PRKG1: variants seen among roughly 807,000 people sequenced by gnomAD.
PRKG1 encodes cGMP-dependent protein kinase 1.
In PRKG1, 35 loss-of-function variants were observed where a neutral mutation model predicts 88.1. That is an observed-to-expected ratio of 0.40 (90% CI 0.30 to 0.53). The LOEUF is 0.53. Ranked by LOEUF, PRKG1 falls within the 20% of genes least tolerant of loss-of-function variation. The probability of loss-of-function intolerance (pLI) is 0.59; values close to 1 mark genes in which losing one functional copy is unlikely to be tolerated. For synonymous variants in PRKG1, 303 were observed against 292.5 expected, an observed-to-expected ratio of 1.04 and a Z score of -0.37; for missense variants, 540 against 839.8, an observed-to-expected ratio of 0.64 and a Z score of 4.41.
At chr10:51,452,983 T>C (rs1839479654) in intron 2 of PRKG1, among the ~76,000 whole-genome samples, 1 of 152,058 alleles carries the variant, frequency 6.6e-6, no homozygotes, top group East Asian at 1.9e-4. Flanking sequence ...GTTATTGGTC[T>C]GCTCAGAATT....
chr10:51,597,343 A>T (rs1169802980), intron 3 of PRKG1, among the ~76,000 whole-genome samples: 1 of 152,158 alleles, frequency 6.6e-6, no homozygotes, highest in East Asian at 1.9e-4. Flanking sequence ...CACACTTACC[A>T]ATCACATGAG....
chr10:51,286,727 A>G (rs1840450812), intron 2 of PRKG1, among the ~76,000 whole-genome samples: 2 of 152,198 alleles, frequency 1.3e-5, no homozygotes, highest in Non-Finnish European at 2.9e-5. Flanking sequence ...GCTATTTGAA[A>G]CTACATAATA....
At chr10:51,010,304 G>A (rs181501122) in intron 1 of PRKG1, among the ~76,000 whole-genome samples, 1 of 152,326 alleles carries the variant, frequency 6.6e-6, no homozygotes, top group African/African-American at 2.4e-5. Context: ...TTTGCACAGG[G>A]CAAGATGCTG....
chr10:52,293,748 C>A, intron 17 of PRKG1, 54 bp from the exon 18 acceptor site: 8 of 1,428,932 alleles, frequency 5.6e-6, no homozygotes, highest in Non-Finnish European at 6.9e-6. Context: ...AAAATTCCAG[C>A]TTGGAATTCC....
intron 1 of PRKG1, among the ~76,000 whole-genome samples, chr10:51,061,677 A>C (rs1382972948): frequency 6.6e-6 from 1 of 152,042 alleles, no homozygotes. Flanking sequence ...CCTTTTCTTT[A>C]TTTAATGTAG....
At chr10:51,943,240 T>A (rs1348018687) in intron 5 of PRKG1, among the ~76,000 whole-genome samples, 1 of 152,008 alleles carries the variant, frequency 6.6e-6, no homozygotes, top group East Asian at 1.9e-4. Context: ...TCACTCATGA[T>A]TTGGCTCTCT....
chr10:51,123,567 T>C lies in PRKG1; in HGVS notation c.312-29597T>C, dbSNP rs1046612104. ...CAGGCGTGATGGTGGGTTCCTGTAATCCCAGCTACTCGGGTGGCTGAGGCA... is the reference window on the plus strand; with the variant it reads ...CAGGCGTGATGGTGGGTTCCTGTAACCCCAGCTACTCGGGTGGCTGAGGCA... On this transcript the variant is annotated intron_variant, in intron 1 of 17. Coordinates refer to ENST00000373980, the MANE Select transcript of PRKG1 (RefSeq NM_006258.4). 2.9e-4 allele frequency among the ~76,000 whole-genome samples: 44 copies of C among 151,880 alleles called. 1 individual carries two copies. The highest frequency in any genetic ancestry group is 7.4e-5 in the Non-Finnish European group (5 of 67,978).
chr10:51,810,173 A>G (rs1839418491), intron 4 of PRKG1, among the ~76,000 whole-genome samples: 1 of 152,210 alleles, frequency 6.6e-6, no homozygotes, highest in Admixed American at 6.5e-5. Context: ...TGAGCTTTAC[A>G]TTATATTTTC....
intron 3 of PRKG1, among the ~76,000 whole-genome samples, chr10:51,718,614 A>G (rs1387016249): frequency 1.3e-5 from 2 of 152,180 alleles, no homozygotes; most frequent in Non-Finnish European, 2.9e-5. Flanking sequence ...ATATAAGTAA[A>G]ATGTTTGAAT....
chr10:52,002,974 T>C (rs1044658256), intron 5 of PRKG1, among the ~76,000 whole-genome samples: 17 of 152,198 alleles, frequency 1.1e-4, no homozygotes, highest in Non-Finnish European at 1.5e-4. Flanking sequence ...TTTTAGTGCA[T>C]AGTGGTTATT....
At chr10:51,315,120 A>G (rs571718560) in intron 2 of PRKG1, among the ~76,000 whole-genome samples, 1 of 152,312 alleles carries the variant, frequency 6.6e-6, no homozygotes, top group African/African-American at 2.4e-5. Flanking sequence ...CATTCTGACA[A>G]GTTATTTCAA....
At chr10:51,707,269 C>T (rs1841630105) in intron 3 of PRKG1, among the ~76,000 whole-genome samples, 1 of 152,144 alleles carries the variant, frequency 6.6e-6, no homozygotes, top group East Asian at 1.9e-4. Flanking sequence ...ATTAAAAGGG[C>T]CTGCCTGAAC....
At chr10:51,115,979 G>T (rs1398702525) in intron 1 of PRKG1, among the ~76,000 whole-genome samples, 1 of 152,174 alleles carries the variant, frequency 6.6e-6, no homozygotes, top group Non-Finnish European at 1.5e-5. Context: ...AGGAGACCGA[G>T]TACATGTATA....
At chr10:51,420,875 G>A (rs1314429000) in intron 2 of PRKG1, among the ~76,000 whole-genome samples, 3 of 152,206 alleles carry the variant, frequency 2.0e-5, no homozygotes, top group Middle Eastern at 3.4e-3. Context: ...CACTTCACAT[G>A]GTAAAAGTAG....
At position 51,108,019 on chromosome 10, in the gene PRKG1, A is replaced by G. The variant is rs558494125; in HGVS notation, c.311+33118A>G. Reference sequence around the variant, plus strand: ...TTTACTTACGTGAAATGGACAGATTATTTAAAAGGCACATACTACCAAAGC... The same window carrying G: ...TTTACTTACGTGAAATGGACAGATTGTTTAAAAGGCACATACTACCAAAGC... On this transcript the variant is annotated intron_variant, in intron 1 of 17. Transcript: ENST00000373980. Among the ~76,000 whole-genome samples, 218 of 152,238 alleles carry G rather than the reference A, an allele frequency of 1.4e-3. 1 individual carries two copies. The highest frequency in any genetic ancestry group is 5.1e-3 in the African/African-American group (214 of 41,566).
intron 2 of PRKG1, among the ~76,000 whole-genome samples, chr10:51,319,317 A>G (rs2132505251): frequency 6.6e-6 from 1 of 152,076 alleles, no homozygotes; most frequent in Non-Finnish European, 1.5e-5. Context: ...TGTACAGATA[A>G]GTGAAACAAC....
At chr10:51,698,213 C>G in intron 3 of PRKG1, 3 of 1,614,154 alleles carry the variant, frequency 1.9e-6, no homozygotes, top group Non-Finnish European at 2.5e-6. Flanking sequence ...TTCCATCCCT[C>G]TGGTTTCCAT....
At chr10:51,123,976 G>A (rs1241305000) in intron 1 of PRKG1, among the ~76,000 whole-genome samples, 2 of 152,072 alleles carry the variant, frequency 1.3e-5, no homozygotes, top group African/African-American at 2.4e-5. Flanking sequence ...CCAAGAGAAT[G>A]GTGCTACAGC....
rs1842375680 is a variant in PRKG1, at chr10:52,296,072, A to G, written c.*2172A>G. The G allele has an allele frequency of 6.6e-6, 1 of 152,102 alleles. No individual in the cohort carries two copies. Among genetic ancestry groups the G allele is most frequent in the Non-Finnish European group, 1.5e-5 (1 of 67,944 alleles). The allele number at this position is 152,102 out of a possible 1,614,324, so 9.4% of individuals were successfully genotyped here. A position where few individuals can be genotyped will look rare whatever the true frequency, so the allele number is the denominator to read the frequency against. On this transcript the variant is annotated 3_prime_UTR_variant, in exon 18 of 18. Transcript: ENST00000373980. ...TTTAAAAATATGTAATTCCAATATT[A>G]TAGTGAATGTTCAGTAACTTTTGTT...
Sources: gnomAD v4.1 joint callset for allele counts (sites outside exome capture counted in the v4.1 genomes callset) on GRCh38, gnomAD v4.1.1 for gene constraint, MANE v1.5 for transcripts, NCBI Gene and HGNC (gene_info 2026-07-23, HGNC 2026-07-21) for gene names.